Variants in SCRG1 observed in about 807,000 individuals in gnomAD.
SCRG1 encodes the protein stimulator of chondrogenesis 1.
Under a neutral mutation model 7.7 loss-of-function variants are expected in SCRG1, and 3 were observed. That is an observed-to-expected ratio of 0.39 (90% CI 0.18 to 1.01). SCRG1 has a LOEUF of 1.01. Among genes scored for constraint, SCRG1 ranks in the 50% least tolerant of loss-of-function variants. SCRG1 has a pLI of 0.36. For synonymous variants in SCRG1, 46 were observed against 41.2 expected (o/e 1.12, Z -0.44); for missense variants, 110 against 117.2 (o/e 0.94, Z 0.28).
At chr4:173,412,617 T>G in the SCRG1 span, among the ~76,000 whole-genome samples, 1 of 152,332 alleles carries the variant, frequency 6.6e-6, no homozygotes, top group East Asian at 1.9e-4. Context: ...CGTGACTTAC[T>G]GCTTGCTATA....
chr4:173,461,478 G>A, the SCRG1 span, among the ~76,000 whole-genome samples: 3 of 152,238 alleles, frequency 2.0e-5, no homozygotes, highest in African/African-American at 4.8e-5. Flanking sequence ...GTATCTCTAC[G>A]AGACTGCAAG....
chr4:173,390,217 T>C (rs559035618), intron 2 of SCRG1, among the ~76,000 whole-genome samples: 67 of 152,040 alleles, frequency 4.4e-4, no homozygotes, highest in South Asian at 2.1e-3. Flanking sequence ...CTAATTTTTT[T>C]TGTATTTTTG....
chr4:173,446,488 T>C, the SCRG1 span: 1 of 152,234 alleles, frequency 6.6e-6, no homozygotes, highest in African/African-American at 2.4e-5. Context: ...TTTAAATATA[T>C]ATATGTTTTG....
the SCRG1 span, among the ~76,000 whole-genome samples, chr4:173,412,680 G>A: frequency 7.2e-5 from 11 of 152,162 alleles, no homozygotes; most frequent in East Asian, 3.9e-4. Flanking sequence ...TTACTGTTGC[G>A]TCCCACTGCT....
the SCRG1 span, among the ~76,000 whole-genome samples, chr4:173,421,089 G>A: frequency 2.0e-5 from 3 of 152,180 alleles, no homozygotes; most frequent in African/African-American, 7.2e-5. Context: ...AAATATCACG[G>A]TATGTAACCA....
At chr4:173,480,582 T>C in the SCRG1 span, among the ~76,000 whole-genome samples, 1 of 152,146 alleles carries the variant, frequency 6.6e-6, no homozygotes. Flanking sequence ...TCCATAAGAA[T>C]GTGCAATTAT....
the SCRG1 span, among the ~76,000 whole-genome samples, chr4:173,496,979 G>A: frequency 6.6e-6 from 1 of 151,972 alleles, no homozygotes; most frequent in Non-Finnish European, 1.5e-5. Context: ...GGTGGTGGGC[G>A]CCTGTAGTCC....
the SCRG1 span, among the ~76,000 whole-genome samples, chr4:173,466,078 A>G: frequency 6.6e-6 from 1 of 152,182 alleles, no homozygotes; most frequent in East Asian, 1.9e-4. Context: ...TGTGTACAAA[A>G]TGGCCAGTCT....
At chr4:173,506,278 C>G in the SCRG1 span, among the ~76,000 whole-genome samples, 4 of 152,138 alleles carry the variant, frequency 2.6e-5, no homozygotes, top group Non-Finnish European at 5.9e-5. The surrounding 1 kb of genome is among the most constrained non-coding windows in gnomAD (Gnocchi z 5.3). Flanking sequence ...AGTTTCAATT[C>G]CTTAGAAAGG....
chr4:173,492,634 C>A, the SCRG1 span, among the ~76,000 whole-genome samples: 6 of 152,178 alleles, frequency 3.9e-5, no homozygotes, highest in African/African-American at 1.4e-4. Context: ...CGGCAACCAT[C>A]AGAGCCCCCT....
At chr4:173,410,871 A>C (rs1314925214), upstream of SCRG1, among the ~76,000 whole-genome samples, 2 of 152,250 alleles carry the variant, frequency 1.3e-5, no homozygotes, top group Non-Finnish European at 2.9e-5. Flanking sequence ...ATATTAGGTC[A>C]TGACAAAGGA....
At chr4:173,484,226 A>G in the SCRG1 span, among the ~76,000 whole-genome samples, 2 of 83,080 alleles carry the variant, frequency 2.4e-5, no homozygotes, top group Non-Finnish European at 4.1e-5. Flanking sequence ...TATTATATAT[A>G]ATATATATTT....
At chr4:173,511,206 G>T in the SCRG1 span, among the ~76,000 whole-genome samples, 2 of 152,054 alleles carry the variant, frequency 1.3e-5, no homozygotes, top group Non-Finnish European at 2.9e-5. The surrounding 1 kb of genome is among the most constrained non-coding windows in gnomAD (Gnocchi z 5.2). Context: ...ACGAACTCCT[G>T]ACCTCAAATG....
chr4:173,438,600 A>G, the SCRG1 span, among the ~76,000 whole-genome samples: 1 of 152,138 alleles, frequency 6.6e-6, no homozygotes. Context: ...ATTAATCATG[A>G]GTTTCTTAAT....
At chr4:173,493,743 C>T in the SCRG1 span, among the ~76,000 whole-genome samples, 1 of 151,980 alleles carries the variant, frequency 6.6e-6, no homozygotes, top group African/African-American at 2.4e-5. Flanking sequence ...GCCCTCTATT[C>T]TCTTAGTAGT....
chr4:173,409,588 CTTTTTTT>C (rs372218375), upstream of SCRG1, among the ~76,000 whole-genome samples: 1 of 133,336 alleles, frequency 7.5e-6, no homozygotes, highest in Admixed American at 7.7e-5. Context: ...TCCCTGCATA[CTTTTTTT>C]TTTTTTTTTT....
rs180912180 is a variant in SCRG1, at chr4:173,390,731, T to A, written c.242+442A>T. On this transcript the variant is annotated intron_variant, in intron 2 of 2. Coordinates refer to ENST00000296506, the MANE Select transcript of SCRG1 (RefSeq NM_007281.4). ...CTCGAACTCCTGACCTCAGGTGATC[T>A]GCCCAACTCAGCCTCCCAAAGTGCT... Among the ~76,000 whole-genome samples the A allele has an allele frequency of 2.4e-3, 364 of 152,282 alleles. 4 individuals are homozygous for A. Among genetic ancestry groups the A allele is most frequent in the Non-Finnish European group, 3.8e-3 (261 of 68,010 alleles).
the SCRG1 span, among the ~76,000 whole-genome samples, chr4:173,482,918 T>G: frequency 7.2e-6 from 1 of 138,886 alleles, no homozygotes; most frequent in Non-Finnish European, 1.5e-5. Flanking sequence ...AAATATATAA[T>G]ACATATAATA....
chr4:173,421,224 C>CTTTATTGATTGCCCCCCACACAT, the SCRG1 span, among the ~76,000 whole-genome samples: 1 of 152,150 alleles, frequency 6.6e-6, no homozygotes, highest in East Asian at 1.9e-4. Flanking sequence ...AGAAAATGTA[C>CTTTATTGATTGCCCCCCACACAT]TTTATTGATT....
Sources: gnomAD v4.1 joint callset for allele counts (sites outside exome capture counted in the v4.1 genomes callset) on GRCh38, gnomAD v4.1.1 for gene constraint, Gnocchi (gnomAD v3.1) non-coding constraint, MANE v1.5 for transcripts, NCBI Gene and HGNC (gene_info 2026-07-23, HGNC 2026-07-21) for gene names.